Variants in NLGN4Y observed in about 807,000 individuals in gnomAD.
NLGN4Y encodes neuroligin 4 Y-linked.
In NLGN4Y, 4 loss-of-function variants were observed where a neutral mutation model predicts 8.4. The ratio of observed to expected loss-of-function variants is 0.48; its 90% CI spans 0.23 to 1.09. The LOEUF (loss-of-function observed/expected upper bound fraction) is 1.09, where lower values mean the gene tolerates loss of function less well. NLGN4Y is among the 50% of genes least tolerant of loss of function. The pLI, the probability that NLGN4Y is intolerant of heterozygous loss-of-function variation, is 0.19. For synonymous variants in NLGN4Y, 35 were observed against 75.6 expected (o/e 0.46, Z 2.78); for missense variants, 90 against 192.3 (o/e 0.47, Z 3.15).
At chrY:14,558,365 T>G in intron 1 of NLGN4Y, among the ~76,000 whole-genome samples, 1 of 33,604 alleles carries the variant, frequency 3.0e-5, no homozygotes, top group Non-Finnish European at 7.4e-5. Context: ...TGATGCATTT[T>G]CTGAACTCAA....
intron 4 of NLGN4Y, among the ~76,000 whole-genome samples, chrY:14,814,315 A>C (rs767122239): frequency 6.1e-5 from 2 of 32,998 alleles, no homozygotes; most frequent in African/African-American, 2.4e-4. Context: ...CTGCAGTTGT[A>C]ATGTCCTTCA....
At chrY:14,775,374 A>AC (rs2150574626) in intron 4 of NLGN4Y, among the ~76,000 whole-genome samples, 1 of 32,092 alleles carries the variant, frequency 3.1e-5, no homozygotes, top group South Asian at 7.0e-4. Flanking sequence ...CTGGAGACGT[A>AC]TTTTGGGGAG....
chrY:14,528,900 T>C, intron 1 of NLGN4Y, among the ~76,000 whole-genome samples: 1 of 33,440 alleles, frequency 3.0e-5, no homozygotes, highest in Non-Finnish European at 7.4e-5. Context: ...TGGGTTGTTC[T>C]ATTTAAAATG....
intron 5 of NLGN4Y, among the ~76,000 whole-genome samples, chrY:14,827,238 A>T (rs753950803): frequency 2.9e-5 from 1 of 33,973 alleles, no homozygotes; most frequent in Non-Finnish European, 7.3e-5. Flanking sequence ...TGGCATAGAG[A>T]TTTCTATGGC....
chrY:14,598,490 A>G, intron 1 of NLGN4Y, among the ~76,000 whole-genome samples: 2 of 33,216 alleles, frequency 6.0e-5, no homozygotes, highest in African/African-American at 1.2e-4. Flanking sequence ...GGCTGCTCCG[A>G]GTGCGGGGCC....
chrY:14,667,731 G>A (rs967034041), intron 2 of NLGN4Y, among the ~76,000 whole-genome samples: 17 of 34,054 alleles, frequency 5.0e-4, no homozygotes, highest in Admixed American at 8.1e-4. Context: ...AAATCAGAGA[G>A]GGTGTGCAGT....
At chrY:14,569,966 TG>T (rs2150479675) in intron 1 of NLGN4Y, among the ~76,000 whole-genome samples, 1 of 33,831 alleles carries the variant, frequency 3.0e-5, no homozygotes, top group South Asian at 6.5e-4. Context: ...CACCTTTTAA[TG>T]TGGTTATTCG....
chrY:14,791,313 C>T (rs960790918), intron 4 of NLGN4Y, among the ~76,000 whole-genome samples: 2 of 33,185 alleles, frequency 6.0e-5, no homozygotes, highest in African/African-American at 2.4e-4. Context: ...GGATATGAAA[C>T]CTAATTCTAC....
At chrY:14,600,414 A>G in intron 1 of NLGN4Y, among the ~76,000 whole-genome samples, 2 of 31,950 alleles carry the variant, frequency 6.3e-5, no homozygotes, top group African/African-American at 2.4e-4. Flanking sequence ...TTTATTCTAT[A>G]TAAATAGAAT....
chrY:14,759,008 G>A, intron 4 of NLGN4Y, among the ~76,000 whole-genome samples: 3 of 33,550 alleles, frequency 8.9e-5, no homozygotes, highest in South Asian at 1.3e-3. Flanking sequence ...TCTGATTTCC[G>A]CTGATATCCA....
At chrY:14,697,492 TGATAGATAGATAGATA>T (rs34461404) in intron 2 of NLGN4Y, among the ~76,000 whole-genome samples, 2 of 19,199 alleles carry the variant, frequency 1.0e-4, no homozygotes, top group Admixed American at 5.5e-4. Flanking sequence ...AGCAGATAGG[TGATAGATAGATAGATA>T]GATAGATAGA....
intron 1 of NLGN4Y, among the ~76,000 whole-genome samples, chrY:14,585,622 G>A: frequency 1.8e-4 from 6 of 33,402 alleles, no homozygotes; most frequent in Admixed American, 1.6e-3. Flanking sequence ...CATGTTATTT[G>A]CATTTTACAA....
intron 2 of NLGN4Y, among the ~76,000 whole-genome samples, chrY:14,697,785 G>C (rs2080836930): frequency 3.1e-5 from 1 of 32,467 alleles, no homozygotes; most frequent in South Asian, 7.1e-4. Context: ...TCTCTCTATA[G>C]CTAATTATAA....
At chrY:14,770,168 C>A (rs2081103543) in intron 4 of NLGN4Y, among the ~76,000 whole-genome samples, 2 of 33,717 alleles carry the variant, frequency 5.9e-5, no homozygotes, top group African/African-American at 2.3e-4. Flanking sequence ...CTGAAGAGAG[C>A]AGTGGATCTG....
chrY:14,715,812 A>G (rs2080913694), intron 2 of NLGN4Y, among the ~76,000 whole-genome samples: 1 of 33,106 alleles, frequency 3.0e-5, no homozygotes, highest in East Asian at 7.9e-4. Context: ...CTATAAAGCT[A>G]TAGTAATTGA....
intron 4 of NLGN4Y, among the ~76,000 whole-genome samples, chrY:14,731,893 C>CA (rs771523543): frequency 0.037 from 1,170 of 31,900 alleles, no homozygotes; most frequent in Non-Finnish European, 0.066. Flanking sequence ...CTTTCCCCCC[C>CA]AAAAAAAATG....
intron 1 of NLGN4Y, among the ~76,000 whole-genome samples, chrY:14,609,393 CTAGTT>C (rs2080458702): frequency 3.0e-5 from 1 of 33,410 alleles, no homozygotes; most frequent in Non-Finnish European, 7.4e-5. Flanking sequence ...CCATCAATAC[CTAGTT>C]TATTGAGTGT....
At chrY:14,718,319 G>T in intron 2 of NLGN4Y, among the ~76,000 whole-genome samples, 1 of 33,732 alleles carries the variant, frequency 3.0e-5, no homozygotes, top group African/African-American at 1.2e-4. Context: ...TTTTTCACTC[G>T]CAAGTATTGG....
chrY:14,610,725 G>T (rs2080464135), intron 1 of NLGN4Y, among the ~76,000 whole-genome samples: 1 of 32,566 alleles, frequency 3.1e-5, no homozygotes, highest in Non-Finnish European at 7.5e-5. Context: ...AGGTCTGCTT[G>T]GTCCGGAGCT....
Sources: gnomAD v4.1 joint callset for allele counts (sites outside exome capture counted in the v4.1 genomes callset) on GRCh38, gnomAD v4.1.1 for gene constraint, MANE v1.5 for transcripts, NCBI Gene and HGNC (gene_info 2026-07-23, HGNC 2026-07-21) for gene names.